The following EYS variants were observed in gnomAD, a reference collection of about 807,000 sequenced individuals.
EYS encodes EGF-like photoreceptor maintenance factor.
EYS carries 250 observed loss-of-function variants against 282.1 expected under a neutral mutation model. That is an observed-to-expected ratio of 0.89 (90% CI 0.80 to 0.98). The LOEUF is 0.98. Among genes scored for constraint, EYS ranks in the 50% least tolerant of loss-of-function variants. The pLI, the probability that EYS is intolerant of heterozygous loss-of-function variation, is 0.00. For synonymous variants in EYS, 1,355 were observed against 1,282.9 expected (o/e 1.06, Z -1.20); for missense variants, 4,016 against 3,709.0 (o/e 1.08, Z -2.15).
chr6:64,265,805 G>C (rs1411245475), intron 30 of EYS, among the ~76,000 whole-genome samples: 1 of 152,090 alleles, frequency 6.6e-6, no homozygotes, highest in Non-Finnish European at 1.5e-5. Flanking sequence ...CTGGATCATA[G>C]TATGTATTTT....
At chr6:64,674,434 C>T (rs550935594) in intron 22 of EYS, among the ~76,000 whole-genome samples, 1 of 151,986 alleles carries the variant, frequency 6.6e-6, no homozygotes, top group African/African-American at 2.4e-5. Context: ...TCTATTTATA[C>T]AGGAAAAGTA....
At chr6:64,163,264 TCTA>T in intron 31 of EYS, among the ~76,000 whole-genome samples, 1 of 152,232 alleles carries the variant, frequency 6.6e-6, no homozygotes, top group African/African-American at 2.4e-5. Flanking sequence ...TATTTTTTCT[TCTA>T]ATCTTCCAAA....
At chr6:64,353,235 T>C (rs1378182566) in intron 29 of EYS, among the ~76,000 whole-genome samples, 2 of 151,582 alleles carry the variant, frequency 1.3e-5, no homozygotes, top group Admixed American at 6.6e-5. Context: ...TTCTGAATAG[T>C]AGTCTGTAAA....
At chr6:64,633,836 C>T (rs781716275) in intron 22 of EYS, among the ~76,000 whole-genome samples, 7 of 152,074 alleles carry the variant, frequency 4.6e-5, no homozygotes, top group Non-Finnish European at 1.0e-4. Context: ...GGGGATCTTT[C>T]AACCCCATGT....
chr6:64,596,214 C>T (rs1766582789), intron 24 of EYS, among the ~76,000 whole-genome samples: 1 of 150,844 alleles, frequency 6.6e-6, no homozygotes, highest in South Asian at 2.1e-4. Context: ...GCCACATCTC[C>T]AGCACTGGGG....
intron 11 of EYS, among the ~76,000 whole-genome samples, chr6:65,306,922 A>C (rs1454044449): frequency 7.1e-6 from 1 of 140,888 alleles, no homozygotes; most frequent in Non-Finnish European, 1.5e-5. Context: ...CCAGGGAGTT[A>C]AGTTACTTAC....
intron 23 of EYS, among the ~76,000 whole-genome samples, chr6:64,618,125 C>A (rs962222942): frequency 6.6e-6 from 1 of 152,068 alleles, no homozygotes; most frequent in African/African-American, 2.4e-5. Context: ...CTAAAATTTT[C>A]CAGACCAAAA....
At chr6:65,037,950 C>G (rs1231897214) in intron 13 of EYS, among the ~76,000 whole-genome samples, 1 of 151,622 alleles carries the variant, frequency 6.6e-6, no homozygotes, top group Non-Finnish European at 1.5e-5. Context: ...TTTTACTTCT[C>G]CTTTCCGTAT....
At chr6:64,552,086 C>T (rs1009200418) in intron 26 of EYS, among the ~76,000 whole-genome samples, 1 of 152,138 alleles carries the variant, frequency 6.6e-6, no homozygotes, top group African/African-American at 2.4e-5. Flanking sequence ...CAAGTGCATT[C>T]TAAAGTAAAC....
chr6:64,734,558 A>C (rs1279858601), intron 22 of EYS, among the ~76,000 whole-genome samples: 1 of 152,178 alleles, frequency 6.6e-6, no homozygotes, highest in African/African-American at 2.4e-5. Flanking sequence ...AATCTGTTGT[A>C]AGTTGTTTAT....
At chr6:64,480,897 T>C (rs1389251886) in intron 26 of EYS, among the ~76,000 whole-genome samples, 1 of 151,732 alleles carries the variant, frequency 6.6e-6, no homozygotes, top group Non-Finnish European at 1.5e-5. Context: ...AGTTATGTTG[T>C]AGTTACACTG....
At chr6:63,858,495 G>T (rs1439440678) in intron 36 of EYS, among the ~76,000 whole-genome samples, 2 of 152,150 alleles carry the variant, frequency 1.3e-5, no homozygotes, top group African/African-American at 4.8e-5. Flanking sequence ...AAGGCAGGAG[G>T]TGCTCACTTT....
chr6:63,789,250 T>G, intron 37 of EYS, 26 bp from the exon 38 acceptor site: 1 of 1,543,222 alleles, frequency 6.5e-7, no homozygotes, highest in Non-Finnish European at 8.8e-7. Context: ...ACATGGGGAA[T>G]GCTCACTGAG....
At chr6:64,253,865 G>A (rs1368156257) in intron 30 of EYS, among the ~76,000 whole-genome samples, 3 of 152,100 alleles carry the variant, frequency 2.0e-5, no homozygotes, top group Non-Finnish European at 2.9e-5. Flanking sequence ...GATGGGTATA[G>A]GGCTATCTTA....
intron 14 of EYS, among the ~76,000 whole-genome samples, chr6:64,979,688 G>C (rs983491885): frequency 1.6e-4 from 24 of 151,400 alleles, no homozygotes; most frequent in African/African-American, 5.3e-4. Context: ...TAACCCAAGA[G>C]AATCAAGATT....
chr6:65,206,132 C>T (rs994303225), intron 12 of EYS, among the ~76,000 whole-genome samples: 12 of 151,656 alleles, frequency 7.9e-5, no homozygotes, highest in Non-Finnish European at 1.5e-4. Context: ...AATCAATAGA[C>T]TGCTAGATAG....
chr6:63,765,681 T>C (rs1769770350), intron 40 of EYS, among the ~76,000 whole-genome samples: 1 of 152,026 alleles, frequency 6.6e-6, no homozygotes, highest in African/African-American at 2.4e-5. Context: ...TTTTAAAATG[T>C]ACAATTAAAT....
chr6:65,274,886 TTCC>T (rs1247443886), intron 12 of EYS, among the ~76,000 whole-genome samples: 2 of 144,524 alleles, frequency 1.4e-5, no homozygotes, highest in Non-Finnish European at 3.0e-5. Flanking sequence ...CTGCATCTGG[TTCC>T]TCCTACAGCC....
At chr6:65,148,617 G>A (rs1764535755) in intron 12 of EYS, among the ~76,000 whole-genome samples, 1 of 152,038 alleles carries the variant, frequency 6.6e-6, no homozygotes, top group Admixed American at 6.5e-5. Flanking sequence ...GGGGCTGGAG[G>A]ACAGCGGACC....
Sources: gnomAD v4.1 joint callset for allele counts (sites outside exome capture counted in the v4.1 genomes callset) on GRCh38, gnomAD v4.1.1 for gene constraint, MANE v1.5 for transcripts, NCBI Gene and HGNC (gene_info 2026-07-23, HGNC 2026-07-21) for gene names.